Variants in MYO3A observed in about 807,000 individuals in gnomAD.
The protein encoded by MYO3A is myosin-IIIa.
MYO3A carries 180 observed loss-of-function variants against 192.7 expected under a neutral mutation model. The observed-to-expected ratio is 0.93, with a 90% CI of 0.83 to 1.06. MYO3A has a LOEUF of 1.06. Ranked by LOEUF, MYO3A falls within the 50% of genes least tolerant of loss-of-function variation. The pLI is 0.00. For missense variants in MYO3A, 1,896 were observed against 1,905.0 expected (o/e 1.00, Z 0.09); for synonymous variants, 628 against 645.3 (o/e 0.97, Z 0.41).
chr10:26,151,419 C>T (rs778023232), intron 23 of MYO3A, among the ~76,000 whole-genome samples: 1 of 151,906 alleles, frequency 6.6e-6, no homozygotes, highest in Non-Finnish European at 1.5e-5. Flanking sequence ...TGTGATGACC[C>T]TTTTCATCCT....
chr10:25,987,375 CTA>C (rs1564431306), intron 4 of MYO3A, among the ~76,000 whole-genome samples: 1 of 152,134 alleles, frequency 6.6e-6, no homozygotes, highest in Non-Finnish European at 1.5e-5. Context: ...CTTAATTAAA[CTA>C]AAAAGCTTCT....
chr10:26,068,642 C>A, intron 11 of MYO3A, 126 bp from the exon 12 acceptor site: 1 of 604,192 alleles, frequency 1.7e-6, no homozygotes. Flanking sequence ...TTTTTACTAT[C>A]AGTGTGTCTG....
chr10:25,950,225 A>G (rs928275464), intron 2 of MYO3A, among the ~76,000 whole-genome samples: 2 of 152,176 alleles, frequency 1.3e-5, no homozygotes, highest in African/African-American at 4.8e-5. Flanking sequence ...CCCGGCTAGC[A>G]ATGAACTTAC....
At chr10:26,073,082 G>A (rs1835309529) in intron 14 of MYO3A, among the ~76,000 whole-genome samples, 1 of 151,756 alleles carries the variant, frequency 6.6e-6, no homozygotes, top group African/African-American at 2.4e-5. Context: ...AAGTTAGCCA[G>A]GCATGATGGC....
intron 8 of MYO3A, chr10:26,022,813 G>C (rs1278470195): frequency 1.3e-5 from 2 of 152,154 alleles, no homozygotes; most frequent in Non-Finnish European, 2.9e-5. Flanking sequence ...ATGAAGGAAG[G>C]ATGACACTGT....
At chr10:26,171,254 G>A (rs1325693407) in intron 29 of MYO3A, among the ~76,000 whole-genome samples, 2 of 152,114 alleles carry the variant, frequency 1.3e-5, no homozygotes, top group Non-Finnish European at 2.9e-5. Context: ...CTGAGTACAT[G>A]GTCATCCAGA....
chr10:26,117,612 C>A (rs772860228), intron 17 of MYO3A, among the ~76,000 whole-genome samples: 1 of 152,074 alleles, frequency 6.6e-6, no homozygotes, highest in East Asian at 1.9e-4. Flanking sequence ...TCTGTTCCTG[C>A]GCTATTTTGC....
intron 25 of MYO3A, 96 bp downstream of exon 25, chr10:26,154,919 T>A: frequency 9.8e-7 from 1 of 1,019,286 alleles, no homozygotes; most frequent in Admixed American, 2.0e-5. Flanking sequence ...AAGAGAATGT[T>A]TATTGTATTC....
At chr10:26,072,724 A>G (rs1588901682) in intron 14 of MYO3A, among the ~76,000 whole-genome samples, 1 of 151,964 alleles carries the variant, frequency 6.6e-6, no homozygotes, top group Non-Finnish European at 1.5e-5. Flanking sequence ...CTGTGGGACT[A>G]TTGGGTTTCA....
intron 9 of MYO3A, among the ~76,000 whole-genome samples, chr10:26,025,513 A>G (rs1321245681): frequency 1.3e-5 from 2 of 152,182 alleles, no homozygotes; most frequent in East Asian, 1.9e-4. Flanking sequence ...CAATCAAAAT[A>G]GTATTTCCTA....
chr10:26,010,450 G>GTTTTTTTTTTTT (rs778349166), intron 6 of MYO3A, among the ~76,000 whole-genome samples: 12 of 111,206 alleles, frequency 1.1e-4, no homozygotes, highest in East Asian at 2.8e-4. Context: ...CTAAGTAGTT[G>GTTTTTTTTTTTT]TTTTTTTTTT....
At position 25,997,755 on chromosome 10, in the gene MYO3A, C is replaced by G. The variant is rs1394014885; in HGVS notation, c.508+497C>G. 1.3e-5 allele frequency among the ~76,000 whole-genome samples: 2 copies of G among 152,162 alleles called. 1 individual carries two copies. Among genetic ancestry groups the G allele is most frequent in the East Asian group, 3.8e-4 (2 of 5,200 alleles). On this transcript the variant is annotated intron_variant, in intron 6 of 34. Transcript: ENST00000642920. ...CGGAAACTGCTACAGTTACCTGTGA[C>G]TAAGATGCTCTGTCCTGAGCAGAAA... is the stretch of plus-strand genomic sequence containing the variant.
rs183083102 is a variant in MYO3A at position 26,053,451 on chromosome 10, C to T, written c.954-13524C>T. ...ACAAAACCTGTTTTCATGGAACTTA[C>T]ATACTTATTGGAAGACCCAGACAAT... On this transcript the variant is annotated intron_variant, in intron 10 of 34. Coordinates refer to ENST00000642920, the MANE Select transcript of MYO3A (RefSeq NM_017433.5). 2.5e-3 allele frequency among the ~76,000 whole-genome samples: 378 copies of T among 152,218 alleles called. 2 individuals carry two copies. Among genetic ancestry groups the T allele is most frequent in the Non-Finnish European group, 3.6e-3 (245 of 68,014 alleles).
chr10:25,966,892 AAC>A (rs774213350), intron 4 of MYO3A, among the ~76,000 whole-genome samples: 4 of 152,204 alleles, frequency 2.6e-5, no homozygotes, highest in Non-Finnish European at 2.9e-5. Flanking sequence ...TATTTTTAAA[AAC>A]ACAACACTTT....
intron 17 of MYO3A, among the ~76,000 whole-genome samples, chr10:26,116,530 A>G (rs1838515643): frequency 1.3e-5 from 2 of 152,178 alleles, no homozygotes. Flanking sequence ...TAGGACTTCA[A>G]CATATGAATC....
At chr10:26,193,661 T>C (rs1843261046) in intron 32 of MYO3A, among the ~76,000 whole-genome samples, 1 of 152,212 alleles carries the variant, frequency 6.6e-6, no homozygotes, top group African/African-American at 2.4e-5. Flanking sequence ...GGGTGGGTTA[T>C]GGTGAAACTA....
intron 31 of MYO3A, among the ~76,000 whole-genome samples, chr10:26,183,350 C>T (rs916246474): frequency 2.0e-5 from 3 of 152,126 alleles, no homozygotes; most frequent in East Asian, 3.9e-4. Flanking sequence ...AGGTGAAACC[C>T]GTCTCTACTA....
intron 26 of MYO3A, among the ~76,000 whole-genome samples, chr10:26,165,682 T>TA (rs57140516): frequency 0.53 from 79,742 of 151,600 alleles, 21,233 homozygotes; most frequent in Middle Eastern, 0.58. Flanking sequence ...TTGTTAACAC[T>TA]CAATGTGAAA....
intron 2 of MYO3A, among the ~76,000 whole-genome samples, chr10:25,949,832 T>C (rs1837086833): frequency 1.3e-5 from 2 of 152,154 alleles, no homozygotes; most frequent in Non-Finnish European, 2.9e-5. Context: ...TCAACAGCTA[T>C]ATATTTAACA....
Sources: allele counts gnomAD v4.1 joint callset (sites outside exome capture counted in the v4.1 genomes callset), GRCh38; gene constraint gnomAD v4.1.1; transcripts MANE v1.5; gene names NCBI Gene and HGNC (gene_info 2026-07-23, HGNC 2026-07-21).